FAT1: variants seen among roughly 807,000 people sequenced by gnomAD.
FAT1 encodes the protein FAT atypical cadherin 1.
Under a neutral mutation model 329.8 loss-of-function variants are expected in FAT1, and 171 were observed. The observed-to-expected ratio is 0.52, with a 90% CI of 0.46 to 0.59. The LOEUF is 0.59. FAT1 is among the 20% of genes least tolerant of loss of function. The pLI, the probability that FAT1 is intolerant of heterozygous loss-of-function variation, is 0.00. For missense variants in FAT1, 5,672 were observed against 5,774.4 expected (o/e 0.98, Z 0.57); for synonymous variants, 2,233 against 2,228.6 (o/e 1.00, Z -0.06).
intron 26 of FAT1, among the ~76,000 whole-genome samples, chr4:186,594,089 A>G (rs572041104): frequency 7.6e-4 from 115 of 151,716 alleles, no homozygotes; most frequent in African/African-American, 2.6e-3. Flanking sequence ...TTTTTGAGAC[A>G]GAGTCTCGCT....
chr4:186,630,645 A>G (rs1046149791), intron 7 of FAT1, among the ~76,000 whole-genome samples: 1 of 152,156 alleles, frequency 6.6e-6, no homozygotes, highest in African/African-American at 2.4e-5. Context: ...GGCTCTCAGA[A>G]CGTGAAGAAC....
chr4:186,589,289 A>T, intron 26 of FAT1, 69 bp from the exon 27 acceptor site: 1 of 1,482,940 alleles, frequency 6.7e-7, no homozygotes, highest in South Asian at 1.3e-5. Context: ...AAGAGAGCTC[A>T]GTGTATCAAA....
chr4:186,666,763 T>C (rs1286834162), intron 2 of FAT1, among the ~76,000 whole-genome samples: 1 of 152,232 alleles, frequency 6.6e-6, no homozygotes, highest in Non-Finnish European at 1.5e-5. Context: ...ACATGCATTA[T>C]CTTATATAAT....
In FAT1 at chr4:186,588,684, C is replaced by T. The variant is rs146328457; in HGVS notation, c.13675G>A (p.Val4559Ile). 2.9e-5 allele frequency: 47 copies of T among 1,613,974 alleles called. No individual in the cohort carries two copies. In the Middle Eastern group the frequency reaches 6.6e-4, roughly 23 times the overall value. ...CCGCTCTCATAGTCACTCATCATGA[C>T]CTCGGACTCCACTTCGCAGCAGGCT... ...VSACCEVESE[V>I]MMSDYESGDD... is the part of the protein sequence containing the mutation. The change falls in exon 27 of 27, where the codon GTC (valine) becomes ATC (isoleucine). Residue 4559 changes from valine (V) to isoleucine (I), a missense_variant. Val to Ile is a conservative substitution (Grantham distance 29). Transcript: ENST00000441802.
intron 3 of FAT1, among the ~76,000 whole-genome samples, chr4:186,649,270 A>G (rs932550638): frequency 1.3e-5 from 2 of 152,202 alleles, no homozygotes; most frequent in African/African-American, 4.8e-5. Flanking sequence ...AATGAAATGT[A>G]GTCTTTACAA....
At chr4:186,682,517 ACT>A (rs1294222953) in intron 2 of FAT1, among the ~76,000 whole-genome samples, 1 of 130,084 alleles carries the variant, frequency 7.7e-6, no homozygotes, top group Non-Finnish European at 1.7e-5. Context: ...AAAGAGCGAG[ACT>A]CTGTCTCAAA....
chr4:186,619,319 CTA>C lies in FAT1; in HGVS notation c.7265_7266del (p.Ile2422ArgfsTer12), dbSNP rs1189732808. 4.3e-6 allele frequency: 7 copies of C among 1,614,030 alleles called. No homozygotes were observed. The highest frequency in any genetic ancestry group is 8.5e-7 in the Non-Finnish European group (1 of 1,179,900). On this transcript the variant is annotated frameshift_variant, in exon 10 of 27. Coordinates refer to ENST00000441802, the MANE Select transcript of FAT1 (RefSeq NM_005245.4). LOFTEE classifies it high-confidence loss of function. Reference sequence around the variant, plus strand: ...GACAGAATGGAATACTGCAACTTGTCTATGTCTGAACTGTCTGCATCATAGGC... The same window carrying C: ...GACAGAATGGAATACTGCAACTTGTCTGTCTGAACTGTCTGCATCATAGGC... ...VKAYDADSSD[I>X]DKLQYSILSG...
At chr4:186,694,855 G>C (rs991405891) in intron 2 of FAT1, among the ~76,000 whole-genome samples, 1 of 152,172 alleles carries the variant, frequency 6.6e-6, no homozygotes, top group Non-Finnish European at 1.5e-5. Context: ...CCAGCTACTT[G>C]GGAGGCTGAA....
intron 2 of FAT1, among the ~76,000 whole-genome samples, chr4:186,676,073 G>C (rs945170464): frequency 1.3e-5 from 2 of 151,912 alleles, no homozygotes; most frequent in South Asian, 4.1e-4. Flanking sequence ...CCAGCAGAGA[G>C]AGAGGAAAAG....
At chr4:186,685,507 A>G (rs1021516705) in intron 2 of FAT1, among the ~76,000 whole-genome samples, 6 of 152,164 alleles carry the variant, frequency 3.9e-5, no homozygotes, top group African/African-American at 1.2e-4. Context: ...AGTGTTTCTG[A>G]TTATATTCCT....
rs550518186 is a variant in FAT1 at position 186,650,725 on chromosome 4, C to G, written c.3581-10942G>C. Among the ~76,000 whole-genome samples the G allele has an allele frequency of 4.6e-5, 7 of 152,184 alleles. No individual in the cohort carries two copies. In the East Asian group the frequency reaches 1.4e-3, roughly 29 times the overall value. On this transcript the variant is annotated intron_variant, in intron 3 of 26. Transcript: ENST00000441802. The stretch of plus-strand genomic sequence containing the variant: ...AAGGCCTAATACCAGGAAAAATGAA[C>G]ATAAATTACATAAATAGGGAAGATA...
intron 1 of FAT1, among the ~76,000 whole-genome samples, chr4:186,710,655 C>T (rs1744905684): frequency 6.6e-6 from 1 of 152,132 alleles, no homozygotes; most frequent in African/African-American, 2.4e-5. Context: ...GTTTTATCAC[C>T]ACTGCTGTCA....
At chr4:186,637,450 A>C (rs894085529) in intron 4 of FAT1, among the ~76,000 whole-genome samples, 7 of 152,192 alleles carry the variant, frequency 4.6e-5, no homozygotes, top group Non-Finnish European at 1.0e-4. Flanking sequence ...ACCAGTAATC[A>C]CCATTTTATT....
rs201751862 is a variant in FAT1, at chr4:186,618,499, G to A, written c.8087C>T (p.Pro2696Leu). The change falls in exon 10 of 27, where the codon CCG (proline) becomes CTG (leucine). Residue 2696 changes from proline to leucine, a missense_variant. Physicochemically the swap from Pro to Leu is moderately conservative, Grantham distance 98. This residue lies in a region of FAT1 where 3,966 missense variants were observed against 3,915.2 expected (regional missense o/e 1.01). Coordinates refer to ENST00000441802, the MANE Select transcript of FAT1 (RefSeq NM_005245.4). ...TGAAAATTTTGGAAGCTGCATTTCC[G>A]GTGGAAGGATTTTAACATAGACAAG... ...VVLVYVKILP[P>L]EMQLPKFSEP... is the part of the protein sequence containing the mutation. The A allele has an allele frequency of 5.8e-5, 93 of 1,614,010 alleles. No individual in the cohort carries two copies. The highest frequency in any genetic ancestry group is 1.7e-4 in the Admixed American group (10 of 60,028).
At chr4:186,692,948 C>T (rs1266938919) in intron 2 of FAT1, among the ~76,000 whole-genome samples, 1 of 152,168 alleles carries the variant, frequency 6.6e-6, no homozygotes, top group East Asian at 1.9e-4. Context: ...TGGAATTCTC[C>T]AATTCCTTTG....
Position 186,620,486 on chromosome 4 carries a change from T to C in FAT1, c.6100A>G (p.Thr2034Ala), listed in dbSNP as rs2126516124. ...TCACGATCGAAGGGCGTGCCAGTGG[T>C]TGACAGAACTCCTGAAGTGCGGCTT... ...KISRTSGVLS[T>A]TGTPFDREQQ... The change falls in exon 10 of 27, where the codon ACC becomes GCC. Residue 2034 changes from threonine to alanine, a missense_variant. Transcript: ENST00000441802. 4 of 1,614,020 alleles carry C rather than the reference T, an allele frequency of 2.5e-6. No individual in the cohort carries two copies. Among genetic ancestry groups the C allele is most frequent in the South Asian group, 1.1e-5 (1 of 91,076 alleles).
chr4:186,603,426 T>G lies in FAT1; in HGVS notation c.11100A>C (p.Lys3700Asn), dbSNP rs2126428047. Residue 3700 changes from lysine (K) to asparagine (N), a missense_variant, in exon 19 of 27, where the codon AAA becomes AAC. Transcript: ENST00000441802. ...PHLDVLLFVE[K>N]PGSAQISTKQ... is the part of the protein sequence containing the mutation. ...TTGTTGAGATCTGAGCACTACCTGG[T>G]TTCTCTACAAAAAGTAAGACGTCCA... 6.2e-7 allele frequency: 1 copy of G among 1,613,964 alleles called. No homozygotes were observed. Among genetic ancestry groups the G allele is most frequent in the Non-Finnish European group, 8.5e-7 (1 of 1,179,892 alleles).
Position 186,588,763 on chromosome 4 carries a change from G to C in FAT1, c.13596C>G (p.Val4532=), listed in dbSNP as rs753054161. 1 of 1,613,998 alleles carries C rather than the reference G, an allele frequency of 6.2e-7. No individual in the cohort carries two copies. The change falls in exon 27 of 27, where the codon GTC becomes GTG. Residue 4532 remains valine, a synonymous_variant. Transcript: ENST00000441802. ...GYQRHFEAPA[V]ESMPMSVYAS... ...CGTACACAGACATGGGCATGCTCTC[G>C]ACAGCGGGCGCCTCGAAGTGTCTTT...
intron 3 of FAT1, among the ~76,000 whole-genome samples, chr4:186,657,806 T>C (rs1293498516): frequency 2.0e-5 from 3 of 152,222 alleles, no homozygotes; most frequent in Non-Finnish European, 4.4e-5. Flanking sequence ...TAAATGCCAA[T>C]TGTAAGTTGC....
Sources: gnomAD v4.1 joint callset for allele counts (sites outside exome capture counted in the v4.1 genomes callset) on GRCh38, gnomAD v4.1.1 for gene constraint, gnomAD v4.1.1 regional missense constraint, MANE v1.5 for transcripts, NCBI Gene and HGNC (gene_info 2026-07-23, HGNC 2026-07-21) for gene names.